Variants in IHO1 observed in about 807,000 individuals in gnomAD.
IHO1 encodes the protein interactor of HORMAD1 1.
In IHO1, 13 loss-of-function variants were observed where a neutral mutation model predicts 31.0. The ratio of observed to expected loss-of-function variants is 0.42; its 90% CI spans 0.27 to 0.67. IHO1 has a LOEUF of 0.67. IHO1 is among the 30% of genes least tolerant of loss of function. IHO1 has a pLI of 0.24. For missense variants in IHO1, 599 were observed against 687.5 expected (o/e 0.87, Z 1.44); for synonymous variants, 221 against 248.4 (o/e 0.89, Z 1.04).
At chr3:49,239,497 G>A (rs2046602057) in intron 3 of IHO1, among the ~76,000 whole-genome samples, 1 of 150,816 alleles carries the variant, frequency 6.6e-6, no homozygotes, top group Non-Finnish European at 1.5e-5. Context: ...AGCCAGGATG[G>A]TCTCAATCTC....
In IHO1 at chr3:49,257,121, C is replaced by G. The variant is rs1559455592; in HGVS notation, c.1624C>G (p.Gln542Glu). 2 of 1,613,988 alleles carry G rather than the reference C, an allele frequency of 1.2e-6. No individual in the cohort carries two copies. Among genetic ancestry groups the G allele is most frequent in the Admixed American group, 3.3e-5 (2 of 59,980 alleles). Residue 542 changes from glutamine (Q) to glutamate (E), a missense_variant, in exon 8 of 8, where the codon CAA becomes GAA. Coordinates refer to ENST00000452691, the MANE Select transcript of IHO1 (RefSeq NM_001135197.2). ...CTTGCAGCTCAGCAGGTGCTCTTCCCAAGACAACTGGCTACTTTCCAGCAG... is the reference window on the plus strand; with the variant it reads ...CTTGCAGCTCAGCAGGTGCTCTTCCGAAGACAACTGGCTACTTTCCAGCAG... ...RLLQLSRCSS[Q>E]DNWLLSSSSQ...
Position 49,236,659 on chromosome 3 carries a change from A to T in IHO1, c.168A>T (p.Ser56=). 1 of 1,614,134 alleles carries T rather than the reference A, an allele frequency of 6.2e-7. No individual in the cohort carries two copies. Among genetic ancestry groups the T allele is most frequent in the Non-Finnish European group, 8.5e-7 (1 of 1,179,984 alleles). ...GTCCAGAAAATTCAGAAACCCTATC[A>T]GCACCCTTGGACTTTGGTGCCCACT... ...QFCPENSETL[S]APLDFGAHLR... is the part of the protein sequence containing the mutation. The change falls in exon 3 of 8, where the codon TCA becomes TCT. Residue 56 remains serine (S), a synonymous_variant. Coordinates refer to ENST00000452691, the MANE Select transcript of IHO1 (RefSeq NM_001135197.2).
intron 6 of IHO1, among the ~76,000 whole-genome samples, chr3:49,248,602 G>T (rs181384135): frequency 6.6e-6 from 1 of 152,026 alleles, no homozygotes; most frequent in East Asian, 1.9e-4. Context: ...GCGTGCTGGT[G>T]CAGGCCTTTA....
chr3:49,240,130 C>T (rs373404979), intron 3 of IHO1, among the ~76,000 whole-genome samples: 13 of 152,286 alleles, frequency 8.5e-5, no homozygotes, highest in African/African-American at 3.1e-4. Flanking sequence ...ACTGCAACCT[C>T]CTCTTCCCAG....
At chr3:49,192,096 GCAA>G in the IHO1 span, among the ~76,000 whole-genome samples, 3 of 152,182 alleles carry the variant, frequency 2.0e-5, no homozygotes, top group Non-Finnish European at 4.4e-5. Flanking sequence ...TTAAATGCAG[GCAA>G]ATCCTGCATT....
chr3:49,210,840 G>A (rs762222072), intron 1 of IHO1, among the ~76,000 whole-genome samples: 3 of 151,208 alleles, frequency 2.0e-5, no homozygotes, highest in Non-Finnish European at 4.4e-5. Flanking sequence ...TGGGACTACA[G>A]GCACGTCCCA....
At chr3:49,200,195 C>G (rs994683742) in intron 1 of IHO1, among the ~76,000 whole-genome samples, 1 of 152,090 alleles carries the variant, frequency 6.6e-6, no homozygotes, top group Non-Finnish European at 1.5e-5. Flanking sequence ...TCGCAGTAGG[C>G]CGGCTGCGGT....
At chr3:49,200,592 C>A in intron 1 of IHO1, 1 of 984,562 alleles carries the variant, frequency 1.0e-6, no homozygotes, top group Non-Finnish European at 1.2e-6. Flanking sequence ...GGGCGGTCCT[C>A]TCCCCCTCAC....
At chr3:49,220,488 G>A (rs551952538) in intron 2 of IHO1, among the ~76,000 whole-genome samples, 1 of 152,306 alleles carries the variant, frequency 6.6e-6, no homozygotes, top group African/African-American at 2.4e-5. Context: ...TGTGTCTGGA[G>A]TTTCTTCCTT....
chr3:49,200,051 A>C (rs914689352), intron 1 of IHO1, among the ~76,000 whole-genome samples: 11 of 152,148 alleles, frequency 7.2e-5, no homozygotes, highest in Non-Finnish European at 1.6e-4. Flanking sequence ...GCCGGCCATT[A>C]GTGTTTGAGG....
intron 1 of IHO1, among the ~76,000 whole-genome samples, chr3:49,210,655 T>A (rs1559438145): frequency 6.6e-6 from 1 of 150,930 alleles, no homozygotes; most frequent in South Asian, 2.1e-4. Flanking sequence ...TGCCTCTGCT[T>A]CCCAAAGTGC....
chr3:49,235,450 G>A (rs973123110), intron 2 of IHO1, among the ~76,000 whole-genome samples: 6 of 148,744 alleles, frequency 4.0e-5, no homozygotes, highest in African/African-American at 1.2e-4. Flanking sequence ...GGATGGTCTC[G>A]ATCTCCTGAC....
At chr3:49,216,293 A>G (rs756497751) in intron 2 of IHO1, among the ~76,000 whole-genome samples, 4 of 152,198 alleles carry the variant, frequency 2.6e-5, no homozygotes, top group Non-Finnish European at 4.4e-5. Context: ...ACATTGTAAT[A>G]TATAATAGAA....
chr3:49,214,141 C>T (rs2046256622), intron 2 of IHO1: 1 of 176,874 alleles, frequency 5.7e-6, no homozygotes, highest in Admixed American at 5.6e-5. Flanking sequence ...TAGCATTGGG[C>T]CTGTTAGTGT....
At chr3:49,246,090 A>T (rs1033902824) in intron 6 of IHO1, among the ~76,000 whole-genome samples, 4 of 149,880 alleles carry the variant, frequency 2.7e-5, no homozygotes, top group Non-Finnish European at 3.0e-5. Flanking sequence ...GCTGAGGCAG[A>T]AGAACTGCTT....
chr3:49,256,963 TC>T lies in IHO1; in HGVS notation c.1468del (p.Leu490TrpfsTer37). 6.2e-7 allele frequency: 1 copy of T among 1,614,228 alleles called. No individual in the cohort carries two copies. The highest frequency in any genetic ancestry group is 8.5e-7 in the Non-Finnish European group (1 of 1,180,036). ...QPAISVPQSP[F>X]LGQQEPRAQP... is the part of the protein sequence containing the mutation. Reference sequence around the variant, plus strand: ...GCAATTTCTGTCCCTCAAAGCCCCTTCCTGGGGCAGCAGGAACCCCGTGCTC... The same window carrying T: ...GCAATTTCTGTCCCTCAAAGCCCCTTCTGGGGCAGCAGGAACCCCGTGCTC... On this transcript the variant is annotated frameshift_variant, in exon 8 of 8. Coordinates refer to ENST00000452691, the MANE Select transcript of IHO1 (RefSeq NM_001135197.2). LOFTEE classifies it low-confidence loss of function (END_TRUNC). This position sits in a 1 kb window ranked among gnomAD's most constrained non-coding sequence, Gnocchi z 4.6.
chr3:49,197,608 C>T (rs537612388), upstream of IHO1, among the ~76,000 whole-genome samples: 7 of 152,252 alleles, frequency 4.6e-5, no homozygotes, highest in South Asian at 1.2e-3. Context: ...GGCGTGGTGG[C>T]TCACACCTGT....
intron 1 of IHO1, among the ~76,000 whole-genome samples, chr3:49,204,270 T>C (rs1575562983): frequency 6.6e-6 from 1 of 152,148 alleles, no homozygotes. Context: ...ATTTAAAACA[T>C]AGCATTCAGC....
chr3:49,246,179 C>CAA (rs71278650), intron 6 of IHO1, among the ~76,000 whole-genome samples: 109 of 47,528 alleles, frequency 2.3e-3, no homozygotes, highest in Middle Eastern at 0.014. Context: ...GAGACTCCGT[C>CAA]AAAAAAAAAA....
Sources: gnomAD v4.1 joint callset for allele counts (sites outside exome capture counted in the v4.1 genomes callset) on GRCh38, gnomAD v4.1.1 for gene constraint, Gnocchi (gnomAD v3.1) non-coding constraint, MANE v1.5 for transcripts, NCBI Gene and HGNC (gene_info 2026-07-23, HGNC 2026-07-21) for gene names.